SPTLC3: variants seen among roughly 807,000 people sequenced by gnomAD.
SPTLC3 encodes the protein serine palmitoyltransferase long chain base subunit 3, also known as serine palmitoyltransferase 3.
Under a neutral mutation model 59.3 loss-of-function variants are expected in SPTLC3, and 36 were observed. The observed-to-expected ratio is 0.61, with a 90% CI of 0.47 to 0.80. SPTLC3 has a LOEUF of 0.80. Among genes scored for constraint, SPTLC3 ranks in the 30% least tolerant of loss-of-function variants. SPTLC3 has a pLI of 0.00. For missense variants in SPTLC3, 625 were observed against 685.1 expected (o/e 0.91, Z 0.98); for synonymous variants, 257 against 240.8 (o/e 1.07, Z -0.62).
intron 9 of SPTLC3, among the ~76,000 whole-genome samples, chr20:13,128,685 G>A (rs1430043323): frequency 6.6e-6 from 1 of 151,698 alleles, no homozygotes; most frequent in Non-Finnish European, 1.5e-5. Flanking sequence ...GTTCTTTTTT[G>A]TTTTTTGGGT....
intron 9 of SPTLC3, among the ~76,000 whole-genome samples, chr20:13,129,619 T>C (rs2038075254): frequency 6.6e-6 from 1 of 152,186 alleles, no homozygotes; most frequent in South Asian, 2.1e-4. Flanking sequence ...ATTTCCGGAG[T>C]CCTTTGGTCT....
At chr20:13,164,485 G>C in intron 11 of SPTLC3, 2 of 535,332 alleles carry the variant, frequency 3.7e-6, no homozygotes, top group South Asian at 1.7e-5. Context: ...TGGGTCACAT[G>C]TTTTTATTCT....
In SPTLC3 at chr20:13,164,916, C is replaced by T; in HGVS notation, c.*49C>T. On this transcript the variant is annotated 3_prime_UTR_variant, in exon 12 of 12. Transcript: ENST00000399002. ...TAAAGACTTTGCGAGAAAGACCTCC[C>T]TCCTTGCCTCACAAGGAATATAAAT... 6.9e-7 allele frequency: 1 copy of T among 1,458,172 alleles called. No homozygotes were observed. Among genetic ancestry groups the T allele is most frequent in the Non-Finnish European group, 9.4e-7 (1 of 1,059,196 alleles). The allele number at this position is 1,458,172 out of a possible 1,614,324, so 90.3% of individuals were successfully genotyped here.
intron 1 of SPTLC3, among the ~76,000 whole-genome samples, chr20:13,027,909 A>G (rs947777332): frequency 6.7e-6 from 1 of 149,544 alleles, no homozygotes; most frequent in South Asian, 2.1e-4. Context: ...TCACATCTCT[A>G]TGTTTTATAT....
At chr20:13,142,217 G>T (rs2038400582) in intron 9 of SPTLC3, among the ~76,000 whole-genome samples, 1 of 152,194 alleles carries the variant, frequency 6.6e-6, no homozygotes, top group South Asian at 2.1e-4. Context: ...TCTTTTAGAT[G>T]GCACTGGGGC....
intron 6 of SPTLC3, among the ~76,000 whole-genome samples, chr20:13,094,499 T>C (rs1276168622): frequency 6.6e-6 from 1 of 152,134 alleles, no homozygotes. Flanking sequence ...CCTTCATTTT[T>C]CCCTGTTCCT....
At chr20:13,059,256 G>T (rs1419501395) in intron 2 of SPTLC3, among the ~76,000 whole-genome samples, 1 of 152,178 alleles carries the variant, frequency 6.6e-6, no homozygotes, top group Admixed American at 6.5e-5. Context: ...AATGGGTAAA[G>T]GCTGCTTAAA....
chr20:13,105,259 T>G (rs1251059231), intron 6 of SPTLC3, among the ~76,000 whole-genome samples: 2 of 138,958 alleles, frequency 1.4e-5, no homozygotes, highest in East Asian at 4.2e-4. Flanking sequence ...GTTCATCCCC[T>G]GCAGGAGGAA....
chr20:13,072,120 C>T, intron 2 of SPTLC3, 136 bp from the exon 3 acceptor site: 1 of 931,340 alleles, frequency 1.1e-6, no homozygotes, highest in Non-Finnish European at 1.6e-6. Flanking sequence ...CTTCCCTCAC[C>T]TACTGACCTT....
intron 4 of SPTLC3, among the ~76,000 whole-genome samples, chr20:13,084,627 A>G (rs1439861020): frequency 6.6e-6 from 1 of 152,202 alleles, no homozygotes; most frequent in Non-Finnish European, 1.5e-5. Context: ...ATATTTCAGT[A>G]CGTTAGGTTG....
intron 9 of SPTLC3, among the ~76,000 whole-genome samples, chr20:13,129,943 A>G (rs1022037188): frequency 2.6e-5 from 4 of 151,860 alleles, no homozygotes; most frequent in Non-Finnish European, 5.9e-5. Context: ...TTAAGAGAGA[A>G]AAAAAAAACA....
intron 1 of SPTLC3, among the ~76,000 whole-genome samples, chr20:13,028,694 T>C (rs1343128975): frequency 2.1e-5 from 3 of 143,216 alleles, no homozygotes; most frequent in Non-Finnish European, 4.4e-5. Context: ...AGATACAAGA[T>C]AAGAATGGAC....
Position 13,054,178 on chromosome 20 carries a change from C to T in SPTLC3, c.303+5048C>T, listed in dbSNP as rs116751925. 1.4e-3 allele frequency among the ~76,000 whole-genome samples: 215 copies of T among 152,190 alleles called. 1 individual carries two copies. The highest frequency in any genetic ancestry group is 4.7e-3 in the African/African-American group (197 of 41,522). On this transcript the variant is annotated intron_variant, in intron 2 of 11. Transcript: ENST00000399002. ...AAAGCATTGTACATTCAAGGAACCACGGAATTCCAATGACCGAGTGTTGTG... is the reference window on the plus strand; with the variant it reads ...AAAGCATTGTACATTCAAGGAACCATGGAATTCCAATGACCGAGTGTTGTG...
At chr20:13,051,591 A>C (rs908488015) in intron 2 of SPTLC3, among the ~76,000 whole-genome samples, 5 of 152,266 alleles carry the variant, frequency 3.3e-5, no homozygotes, top group Non-Finnish European at 7.3e-5. Flanking sequence ...AAATGGACTT[A>C]ACAGATATAT....
At position 13,016,874 on chromosome 20, in the gene SPTLC3, T is replaced by C. The variant is rs536682091; in HGVS notation, c.117+7490T>C. On this transcript the variant is annotated intron_variant, in intron 1 of 11. Transcript: ENST00000399002. The stretch of plus-strand genomic sequence containing the variant: ...AGTGCCAGGCATTCCCAGTGCTTTA[T>C]GTTCATCATCTCACAGCATTCCTAT... Among the ~76,000 whole-genome samples, 6 of 152,310 alleles carry C rather than the reference T, an allele frequency of 3.9e-5. No individual in the cohort carries two copies. In the South Asian group the frequency reaches 1.2e-3, roughly 32 times the overall value.
At chr20:13,053,156 T>G (rs1397984106) in intron 2 of SPTLC3, among the ~76,000 whole-genome samples, 1 of 152,092 alleles carries the variant, frequency 6.6e-6, no homozygotes, top group East Asian at 1.9e-4. Context: ...CCGGCTGGCA[T>G]CTGGTGGGTG....
chr20:13,150,163 C>A (rs2038610083), intron 9 of SPTLC3, among the ~76,000 whole-genome samples: 1 of 152,170 alleles, frequency 6.6e-6, no homozygotes, highest in African/African-American at 2.4e-5. Flanking sequence ...CACAATCTCC[C>A]CCTACTCTTT....
At position 13,039,617 on chromosome 20, in the gene SPTLC3, T is replaced by TAAC. The variant is rs557719210; in HGVS notation, c.118-9327_118-9325dup. ...TTTCATCCATTCACATCTTCTGTTATAACTGAGATAGTTTCATTTATGTAT... is the reference window on the plus strand; with the variant it reads ...TTTCATCCATTCACATCTTCTGTTATAACAACTGAGATAGTTTCATTTATGTAT... On this transcript the variant is annotated intron_variant, in intron 1 of 11. Transcript: ENST00000399002. Among the ~76,000 whole-genome samples, 39 of 152,294 alleles carry TAAC rather than the reference T, an allele frequency of 2.6e-4. No homozygotes were observed. In the South Asian group the frequency reaches 8.1e-3, roughly 32 times the overall value.
In SPTLC3 at chr20:13,166,689, G is replaced by A. The variant is rs1390345505; in HGVS notation, c.*1822G>A. On this transcript the variant is annotated 3_prime_UTR_variant, in exon 12 of 12. Coordinates refer to ENST00000399002, the MANE Select transcript of SPTLC3 (RefSeq NM_018327.4). ...TGCCTTGCGTTCTATAAAGGAAACA[G>A]GAGGTCAAAAAGACAGCGAGATATC... The A allele has an allele frequency of 6.6e-6, 1 of 152,196 alleles. No homozygotes were observed. The highest frequency in any genetic ancestry group is 1.5e-5 in the Non-Finnish European group (1 of 68,044). The allele number at this position is 152,196 out of a possible 1,614,324, so 9.4% of individuals were successfully genotyped here.
Sources: allele counts gnomAD v4.1 joint callset (sites outside exome capture counted in the v4.1 genomes callset), GRCh38; gene constraint gnomAD v4.1.1; transcripts MANE v1.5; gene names NCBI Gene and HGNC (gene_info 2026-07-23, HGNC 2026-07-21).